The following CCDC34 variants were observed in gnomAD, a reference collection of about 807,000 sequenced individuals.
CCDC34 encodes coiled-coil domain-containing protein 34.
In CCDC34, 40 loss-of-function variants were observed where a neutral mutation model predicts 44.1. That is an observed-to-expected ratio of 0.91 (90% CI 0.70 to 1.18). The LOEUF (loss-of-function observed/expected upper bound fraction) is 1.18, where lower values mean the gene tolerates loss of function less well. Among genes scored for constraint, CCDC34 ranks in the 50% most tolerant of loss-of-function variants. The probability of loss-of-function intolerance (pLI) is 0.00; values close to 1 mark genes in which losing one functional copy is unlikely to be tolerated. For missense variants in CCDC34, 466 were observed against 452.3 expected, an observed-to-expected ratio of 1.03 and a Z score of -0.28; for synonymous variants, 159 against 158.2, an observed-to-expected ratio of 1.01 and a Z score of -0.04.
chr11:27,353,276 T>C (rs889154149), intron 2 of CCDC34, among the ~76,000 whole-genome samples: 5 of 151,392 alleles, frequency 3.3e-5, no homozygotes, highest in African/African-American at 1.2e-4. Flanking sequence ...AAGGGCTCAT[T>C]AAGGGCTAAT....
At chr11:27,362,565 T>G (rs1026642416) in intron 1 of CCDC34, among the ~76,000 whole-genome samples, 3 of 152,154 alleles carry the variant, frequency 2.0e-5, no homozygotes, top group Non-Finnish European at 4.4e-5. Flanking sequence ...CAGAGTTTTG[T>G]GTGTTTGAGA....
chr11:27,346,140 T>C (rs182045545), intron 3 of CCDC34, among the ~76,000 whole-genome samples: 1 of 152,022 alleles, frequency 6.6e-6, no homozygotes, highest in Non-Finnish European at 1.5e-5. Flanking sequence ...AATCAGTGCT[T>C]CTTCTTGTTA....
At chr11:27,355,678 C>T (rs1043837113) in intron 2 of CCDC34, among the ~76,000 whole-genome samples, 2 of 152,162 alleles carry the variant, frequency 1.3e-5, no homozygotes, top group African/African-American at 4.8e-5. Context: ...CAATAACTTG[C>T]TTACACCCAG....
intron 3 of CCDC34, chr11:27,349,745 T>C: frequency 1.0e-6 from 1 of 961,708 alleles, no homozygotes; most frequent in South Asian, 4.8e-5. Flanking sequence ...TGGACATATA[T>C]CATGCGCAGG....
rs531469893 is a variant in CCDC34, at chr11:27,362,740, T to C, written c.359+96A>G. On this transcript the variant is annotated intron_variant, in intron 1 of 5. Coordinates refer to ENST00000328697, the MANE Select transcript of CCDC34 (RefSeq NM_030771.2). ...CAGTCTGCAAGTGCCTGCTCTGCCTTTGGGGCGGAGGGCAGGAGGATGTTA... is the reference window on the plus strand; with the variant it reads ...CAGTCTGCAAGTGCCTGCTCTGCCTCTGGGGCGGAGGGCAGGAGGATGTTA... 21 of 1,414,730 alleles carry C rather than the reference T, an allele frequency of 1.5e-5. No homozygotes were observed. The South Asian group carries it at 2.6e-4, about 18-fold the overall frequency. The allele number at this position is 1,414,730 out of a possible 1,614,324, so 87.6% of individuals were successfully genotyped here.
chr11:27,357,157 C>T (rs893151517), intron 2 of CCDC34, among the ~76,000 whole-genome samples: 5 of 152,022 alleles, frequency 3.3e-5, no homozygotes, highest in Admixed American at 3.3e-4. Context: ...CAATGATTAT[C>T]TTCAGACAGT....
Position 27,340,712 on chromosome 11 carries a change from G to A in CCDC34, c.891C>T (p.Ala297=). ...AAAACCAACCTGTAAGTTTTCCATT[G>A]GCATAACCATAGCTCTTTGCAGCTG... is the stretch of plus-strand genomic sequence containing the variant. ...PRPAAKSYGY[A]NGKLTGFYSG... Residue 297 remains alanine (A), a synonymous_variant, in exon 5 of 6, where the codon GCC becomes GCT. Coordinates refer to ENST00000328697, the MANE Select transcript of CCDC34 (RefSeq NM_030771.2). The A allele has an allele frequency of 6.2e-7, 1 of 1,609,628 alleles. No individual in the cohort carries two copies. Among genetic ancestry groups the A allele is most frequent in the South Asian group, 1.1e-5 (1 of 89,774 alleles).
rs1020735172 is a variant in CCDC34, at chr11:27,338,689, A to G, written c.*132T>C. 49 of 748,992 alleles carry G rather than the reference A, an allele frequency of 6.5e-5. 1 individual carries two copies. Among genetic ancestry groups the G allele is most frequent in the Middle Eastern group, 3.6e-4 (1 of 2,762 alleles). The allele number at this position is 748,992 out of a possible 1,614,324, so 46.4% of individuals were successfully genotyped here. A position where few individuals can be genotyped will look rare whatever the true frequency, so the allele number is the denominator to read the frequency against. ...TATCTTCCTCAACTCTAAGGACTCCATATACAAATGCAAAAATTGCTATTT... is the reference window on the plus strand; with the variant it reads ...TATCTTCCTCAACTCTAAGGACTCCGTATACAAATGCAAAAATTGCTATTT... On this transcript the variant is annotated 3_prime_UTR_variant, in exon 6 of 6. Transcript: ENST00000328697.
rs773782723 is a variant in CCDC34, at chr11:27,363,058, T to G, written c.137A>C (p.Glu46Ala). ...CGGCGGCGACGGCGAGCGCACCACC[T>G]CCAGCCCCTGCCCACGTGCGCCCGT... Reference protein sequence around the residue: ...PMTGARGQGLEVVRSPSPPLP... With the variant: ...PMTGARGQGLAVVRSPSPPLP... The change falls in exon 1 of 6, where the codon GAG (glutamate) becomes GCG (alanine). Residue 46 changes from glutamate (E) to alanine (A), a missense_variant. Coordinates refer to ENST00000328697, the MANE Select transcript of CCDC34 (RefSeq NM_030771.2). 2.9e-5 allele frequency: 47 copies of G among 1,613,164 alleles called. No homozygotes were observed. Among genetic ancestry groups the G allele is most frequent in the African/African-American group, 5.3e-5 (4 of 74,902 alleles).
chr11:27,350,570 G>T, intron 2 of CCDC34, 131 bp from the exon 3 acceptor site: 1 of 776,288 alleles, frequency 1.3e-6, no homozygotes, highest in Non-Finnish European at 2.0e-6. Flanking sequence ...TGCCACTAGT[G>T]GCAATAACTT....
At chr11:27,343,478 C>A (rs1347610036) in intron 3 of CCDC34, among the ~76,000 whole-genome samples, 1 of 152,030 alleles carries the variant, frequency 6.6e-6, no homozygotes, top group Non-Finnish European at 1.5e-5. Flanking sequence ...TCTTGCTGGG[C>A]AGCCAATAGC....
At chr11:27,356,941 T>TG (rs58669953) in intron 2 of CCDC34, among the ~76,000 whole-genome samples, 1 of 35,316 alleles carries the variant, frequency 2.8e-5, no homozygotes, top group African/African-American at 1.3e-4. Flanking sequence ...TTGGGGGTGG[T>TG]GGGGGGGGGC....
At chr11:27,360,567 G>T (rs1862647730) in intron 1 of CCDC34, among the ~76,000 whole-genome samples, 1 of 148,100 alleles carries the variant, frequency 6.8e-6, no homozygotes, top group Non-Finnish European at 1.5e-5. Context: ...TCAAAACCCA[G>T]AACAATGAAA....
At chr11:27,345,165 C>A (rs1419201171) in intron 3 of CCDC34, among the ~76,000 whole-genome samples, 1 of 152,126 alleles carries the variant, frequency 6.6e-6, no homozygotes, top group Non-Finnish European at 1.5e-5. Flanking sequence ...ACCGTTAATG[C>A]ATACTATACA....
At chr11:27,350,545 C>G in intron 2 of CCDC34, 106 bp from the exon 3 acceptor site, 1 of 1,105,522 alleles carries the variant, frequency 9.0e-7, no homozygotes, top group Non-Finnish European at 1.3e-6. Context: ...AATATAGTTT[C>G]CTTTATGGAG....
In CCDC34 at chr11:27,340,824, T is replaced by C. The variant is rs1862345684; in HGVS notation, c.779A>G (p.Gln260Arg). The C allele has an allele frequency of 6.2e-7, 1 of 1,612,216 alleles. No individual in the cohort carries two copies. The highest frequency in any genetic ancestry group is 8.5e-7 in the Non-Finnish European group (1 of 1,179,422). ...TTTCTCCTGTATTTCAGCTTGCTGT[T>C]GTTTTTCTTTTTCCTTAAAATGACA... Reference protein sequence around the residue: ...RKKKEKEKEKQQQAEIQEKKE... With the variant: ...RKKKEKEKEKRQQAEIQEKKE... The change falls in exon 5 of 6, where the codon CAA (glutamine) becomes CGA (arginine). Residue 260 changes from glutamine to arginine, a missense_variant. By Grantham distance (43) the Gln-to-Arg change is conservative (BLOSUM62 1). Coordinates refer to ENST00000328697, the MANE Select transcript of CCDC34 (RefSeq NM_030771.2).
In CCDC34 at chr11:27,339,052, A is replaced by T. The variant is rs745908779; in HGVS notation, c.908-17T>A. 1.4e-5 allele frequency: 22 copies of T among 1,579,072 alleles called. No individual in the cohort carries two copies. The highest frequency in any genetic ancestry group is 1.6e-5 in the Non-Finnish European group (19 of 1,161,926). Reference sequence around the variant, plus strand: ...TGTAAAAACCTAAAATTATTGAAAAATCAGATCAAAACAAGGAAAAACTTT... The same window carrying T: ...TGTAAAAACCTAAAATTATTGAAAATTCAGATCAAAACAAGGAAAAACTTT... On this transcript the variant is annotated splice_polypyrimidine_tract_variant and intron_variant, in intron 5 of 5. Transcript: ENST00000328697.
chr11:27,361,880 G>T (rs907949315), intron 1 of CCDC34, among the ~76,000 whole-genome samples: 1 of 152,106 alleles, frequency 6.6e-6, no homozygotes, highest in Admixed American at 6.5e-5. Context: ...CGAAGAAAAC[G>T]TAATGAGTCT....
intron 1 of CCDC34, among the ~76,000 whole-genome samples, chr11:27,360,489 G>A (rs1862646815): frequency 6.6e-6 from 1 of 152,184 alleles, no homozygotes; most frequent in Non-Finnish European, 1.5e-5. Context: ...AATATGGCAG[G>A]TGAGGCATGG....
Sources: allele counts gnomAD v4.1 joint callset (sites outside exome capture counted in the v4.1 genomes callset), GRCh38; gene constraint gnomAD v4.1.1; transcripts MANE v1.5; gene names NCBI Gene and HGNC (gene_info 2026-07-23, HGNC 2026-07-21).